The following LEPR variants were observed in gnomAD, a reference collection of about 807,000 sequenced individuals.
LEPR encodes OB receptor.
A neutral mutation model predicts 114.7 loss-of-function variants in LEPR; 56 were observed. That is an observed-to-expected ratio of 0.49 (90% CI 0.39 to 0.61). The LOEUF (loss-of-function observed/expected upper bound fraction) is 0.61, where lower values mean the gene tolerates loss of function less well. Ranked by LOEUF, LEPR falls within the 20% of genes least tolerant of loss-of-function variation. The probability of loss-of-function intolerance (pLI) is 0.00; values close to 1 mark genes in which losing one functional copy is unlikely to be tolerated. For missense variants in LEPR, 1,202 were observed against 1,352.9 expected (o/e 0.89, Z 1.75); for synonymous variants, 443 against 461.4 (o/e 0.96, Z 0.51).
chr1:65,512,711 C>A (rs1240768528), intron 2 of LEPR, among the ~76,000 whole-genome samples: 1 of 152,106 alleles, frequency 6.6e-6, no homozygotes, highest in African/African-American at 2.4e-5. Context: ...CTTATTCTGG[C>A]CCTGCCTTCC....
Position 65,633,787 on chromosome 1 carries a change from AAAATGGCTT to A in LEPR, c.2674-2401_2674-2393del. The A allele has an allele frequency of 1.0e-6, 1 of 985,618 alleles. No individual in the cohort carries two copies. Among genetic ancestry groups the A allele is most frequent in the Non-Finnish European group, 1.2e-6 (1 of 830,094 alleles). 61.1% of individuals were successfully genotyped at this position (985,618 alleles called of 1,614,324 possible). On this transcript the variant is annotated intron_variant, in intron 19 of 19. Transcript: ENST00000349533. This position sits in a 1 kb window ranked among gnomAD's most constrained non-coding sequence, Gnocchi z 4.1. ...GGAATTTCAGTTTTCAATATCCTTG[AAAATGGCTT>A]AAGTGATAACTTCCGTTTCAGTTAA...
At chr1:65,555,462 C>G (rs1390150067) in intron 2 of LEPR, among the ~76,000 whole-genome samples, 2 of 152,038 alleles carry the variant, frequency 1.3e-5, no homozygotes, top group African/African-American at 2.4e-5. Flanking sequence ...CAGTAGACTC[C>G]CTGTTAATAT....
chr1:65,434,595 T>G, intron 2 of LEPR: 1 of 985,430 alleles, frequency 1.0e-6, no homozygotes. Flanking sequence ...CTGCCTGAGT[T>G]TTGGGTCTCT....
At chr1:65,448,268 T>C (rs1011739663) in intron 2 of LEPR, among the ~76,000 whole-genome samples, 1 of 152,238 alleles carries the variant, frequency 6.6e-6, no homozygotes, top group Non-Finnish European at 1.5e-5. Context: ...TCTGCATATA[T>C]TAATATGATT....
intron 2 of LEPR, among the ~76,000 whole-genome samples, chr1:65,493,584 C>T (rs747892630): frequency 6.6e-6 from 1 of 152,018 alleles, no homozygotes; most frequent in Non-Finnish European, 1.5e-5. Flanking sequence ...TAAAATTTAC[C>T]ATCTTAACCA....
At chr1:65,548,845 G>A (rs141548752) in intron 2 of LEPR, among the ~76,000 whole-genome samples, 92 of 152,324 alleles carry the variant, frequency 6.0e-4, no homozygotes, top group Non-Finnish European at 7.5e-4. Flanking sequence ...ATTTGGTCCT[G>A]TCATTATGAT....
At chr1:65,534,255 C>T in intron 2 of LEPR, among the ~76,000 whole-genome samples, 1 of 152,038 alleles carries the variant, frequency 6.6e-6, no homozygotes. Flanking sequence ...AAGAGTTATA[C>T]ACTCTATTTC....
At chr1:65,435,888 T>A (rs1646556325) in intron 2 of LEPR, 1 of 984,000 alleles carries the variant, frequency 1.0e-6, no homozygotes. Context: ...GAGTAATAGC[T>A]CATAAATTAT....
rs1658829740 is a variant in LEPR, at chr1:65,640,494, G to A, written c.*3479G>A. 1 of 152,134 alleles carries A rather than the reference G, an allele frequency of 6.6e-6. No homozygotes were observed. The highest frequency in any genetic ancestry group is 2.1e-4 in the South Asian group (1 of 4,834). 9.4% of individuals were successfully genotyped at this position (152,134 alleles called of 1,614,324 possible). ...GTCCACTCTACTATGACTGAAAGAA[G>A]CAGCATTCAAGAAAAAATTTAAACA... On this transcript the variant is annotated 3_prime_UTR_variant, in exon 20 of 20. Coordinates refer to ENST00000349533, the MANE Select transcript of LEPR (RefSeq NM_002303.6).
At chr1:65,494,257 A>G (rs1010768802) in intron 2 of LEPR, 3 of 152,172 alleles carry the variant, frequency 2.0e-5, no homozygotes, top group Admixed American at 6.6e-5. Context: ...CACATGGCAA[A>G]TACTTTCACA....
chr1:65,448,539 G>A (rs1276241397), intron 2 of LEPR, among the ~76,000 whole-genome samples: 1 of 152,158 alleles, frequency 6.6e-6, no homozygotes, highest in African/African-American at 2.4e-5. Flanking sequence ...CTCATAGAAT[G>A]AGTGGGGAAG....
chr1:65,523,743 A>G (rs1389123557), intron 2 of LEPR, among the ~76,000 whole-genome samples: 1 of 152,250 alleles, frequency 6.6e-6, no homozygotes, highest in Non-Finnish European at 1.5e-5. Context: ...TTTACTAGTT[A>G]TAGTGGGTTA....
At chr1:65,495,885 A>T (rs185403119) in intron 2 of LEPR, among the ~76,000 whole-genome samples, 2 of 152,196 alleles carry the variant, frequency 1.3e-5, no homozygotes, top group African/African-American at 4.8e-5. Flanking sequence ...AATAGTGGTT[A>T]TCAGAGCTTG....
rs189509791 is a variant in LEPR at position 65,622,147 on chromosome 1, A to T, written c.2597+689A>T. Among the ~76,000 whole-genome samples the T allele has an allele frequency of 4.8e-4, 71 of 148,834 alleles. 1 individual carries two copies. The highest frequency in any genetic ancestry group is 1.8e-3 in the South Asian group (8 of 4,570). On this transcript the variant is annotated intron_variant, in intron 18 of 19. Transcript: ENST00000349533. ...ACTTCAAGGAAGAATTTAGTTTTTT[A>T]AAAAAAATGTACATACATTCAGGAA...
chr1:65,567,117 C>T (rs952142763), intron 3 of LEPR, among the ~76,000 whole-genome samples: 2 of 152,140 alleles, frequency 1.3e-5, no homozygotes, highest in African/African-American at 4.8e-5. Context: ...GATATGCCTT[C>T]AGATGAAAAT....
At chr1:65,583,894 G>A (rs536512913) in intron 5 of LEPR, among the ~76,000 whole-genome samples, 1 of 152,168 alleles carries the variant, frequency 6.6e-6, no homozygotes, top group East Asian at 1.9e-4. Context: ...AATGAGACAG[G>A]AAATTGAAGA....
At chr1:65,550,229 G>T (rs904611389) in intron 2 of LEPR, among the ~76,000 whole-genome samples, 1 of 152,186 alleles carries the variant, frequency 6.6e-6, no homozygotes, top group Non-Finnish European at 1.5e-5. Flanking sequence ...CCCTACTGGG[G>T]GGTGCCTCCC....
At chr1:65,471,803 G>T (rs1200152499) in intron 2 of LEPR, among the ~76,000 whole-genome samples, 1 of 152,128 alleles carries the variant, frequency 6.6e-6, no homozygotes, top group Non-Finnish European at 1.5e-5. Context: ...GTAACATGTG[G>T]AATACAGAAT....
chr1:65,530,989 G>A (rs1376869962), intron 2 of LEPR, among the ~76,000 whole-genome samples: 2 of 152,006 alleles, frequency 1.3e-5, no homozygotes, highest in African/African-American at 4.8e-5. Context: ...AGCAATCAGA[G>A]CACTCCTTTT....
Sources: allele counts gnomAD v4.1 joint callset (sites outside exome capture counted in the v4.1 genomes callset), GRCh38; gene constraint gnomAD v4.1.1; non-coding constraint Gnocchi (gnomAD v3.1); transcripts MANE v1.5; gene names NCBI Gene and HGNC (gene_info 2026-07-23, HGNC 2026-07-21).